The following MACROD2 variants were observed in gnomAD, a reference collection of about 807,000 sequenced individuals.
MACROD2 encodes mono-ADP ribosylhydrolase 2, also known as ADP-ribose glycohydrolase MACROD2.
Under a neutral mutation model 70.4 loss-of-function variants are expected in MACROD2, and 36 were observed. That is an observed-to-expected ratio of 0.51 (90% CI 0.39 to 0.68). The LOEUF (loss-of-function observed/expected upper bound fraction) is 0.68, where lower values mean the gene tolerates loss of function less well. Ranked by LOEUF, MACROD2 falls within the 30% of genes least tolerant of loss-of-function variation. The pLI, the probability that MACROD2 is intolerant of heterozygous loss-of-function variation, is 0.00. For synonymous variants in MACROD2, 172 were observed against 178.8 expected (o/e 0.96, Z 0.30); for missense variants, 496 against 538.4 (o/e 0.92, Z 0.78).
chr20:16,001,643 G>GA (rs1472025007), intron 15 of MACROD2, among the ~76,000 whole-genome samples: 1 of 152,098 alleles, frequency 6.6e-6, no homozygotes, highest in South Asian at 2.1e-4. Context: ...GGGAAAAAGG[G>GA]AAAAATAGAT....
chr20:15,021,298 A>ACACACACC (rs2075181006), intron 5 of MACROD2, among the ~76,000 whole-genome samples: 1 of 138,736 alleles, frequency 7.2e-6, no homozygotes, highest in Non-Finnish European at 1.6e-5. Context: ...GTGTGTGTAT[A>ACACACACC]TGCACATATA....
rs149561500 is a variant in MACROD2 at position 14,812,411 on chromosome 20, G to A, written c.418+127452G>A. Among the ~76,000 whole-genome samples the A allele has an allele frequency of 5.1e-3, 768 of 151,918 alleles. 12 individuals are homozygous for A. The highest frequency in any genetic ancestry group is 0.017 in the African/African-American group (718 of 41,440). ...CAGTGAGGGGAACATCACACACCAG[G>A]GCCTGTTGGGAGGTAGGGGGCAAGG... On this transcript the variant is annotated intron_variant, in intron 5 of 17. Transcript: ENST00000684519.
In MACROD2 at chr20:15,229,818, T is replaced by G. The variant is rs938331230; in HGVS notation, c.419-122T>G. On this transcript the variant is annotated intron_variant, in intron 5 of 17. Transcript: ENST00000684519. Reference sequence around the variant, plus strand: ...GAGAAATATTTGCGTCGCCAATGTATTGCTTAGCTTGCTTGTCTCCAGGCT... The same window carrying G: ...GAGAAATATTTGCGTCGCCAATGTAGTGCTTAGCTTGCTTGTCTCCAGGCT... 9.9e-6 allele frequency: 10 copies of G among 1,012,094 alleles called. No homozygotes were observed. In the African/African-American group the frequency reaches 1.7e-4, roughly 17 times the overall value. 62.7% of individuals were successfully genotyped at this position (1,012,094 alleles called of 1,614,324 possible).
At chr20:15,491,510 A>G (rs2047231618) in intron 7 of MACROD2, among the ~76,000 whole-genome samples, 1 of 152,244 alleles carries the variant, frequency 6.6e-6, no homozygotes, top group Non-Finnish European at 1.5e-5. Context: ...AGAGACAAAG[A>G]AAGGAAGCAA....
chr20:16,003,078 CCACCCACACACACACACACA>C (rs1225818117), intron 15 of MACROD2, among the ~76,000 whole-genome samples: 45 of 129,968 alleles, frequency 3.5e-4, no homozygotes, highest in Middle Eastern at 7.9e-3. Flanking sequence ...ACCCACCCAC[CCACCCACACACACACACACA>C]CACACACACA....
intron 8 of MACROD2, among the ~76,000 whole-genome samples, chr20:15,637,173 G>A (rs1345231304): frequency 6.6e-6 from 1 of 151,966 alleles, no homozygotes; most frequent in Admixed American, 6.6e-5. Context: ...TATGGCTCTG[G>A]AGGGAACTAG....
At chr20:14,502,014 TA>T (rs2123124907) in intron 4 of MACROD2, among the ~76,000 whole-genome samples, 1 of 152,274 alleles carries the variant, frequency 6.6e-6, no homozygotes, top group Admixed American at 6.5e-5. Flanking sequence ...TTTAAAACTA[TA>T]AAAAAGAGAA....
At chr20:15,338,683 TA>T (rs200896811) in intron 6 of MACROD2, among the ~76,000 whole-genome samples, 1,992 of 151,822 alleles carry the variant, frequency 0.013, 26 homozygotes, top group Middle Eastern at 0.034. Context: ...GAAACAGGCC[TA>T]GGGGGGTAAG....
At chr20:14,902,907 A>G (rs2073913628) in intron 5 of MACROD2, among the ~76,000 whole-genome samples, 1 of 152,138 alleles carries the variant, frequency 6.6e-6, no homozygotes, top group Non-Finnish European at 1.5e-5. Flanking sequence ...GGTACCATGT[A>G]GGAAGTCACA....
At chr20:15,479,983 A>C (rs1281439169) in intron 7 of MACROD2, among the ~76,000 whole-genome samples, 1 of 152,232 alleles carries the variant, frequency 6.6e-6, no homozygotes, top group Non-Finnish European at 1.5e-5. Flanking sequence ...AATATAAGTA[A>C]AGTATGATAT....
intron 8 of MACROD2, among the ~76,000 whole-genome samples, chr20:15,705,447 T>A (rs2050519186): frequency 6.6e-6 from 1 of 151,968 alleles, no homozygotes; most frequent in Admixed American, 6.6e-5. Context: ...TTAAATGGAG[T>A]CTCACTCTGT....
chr20:15,560,762 C>CAAAAAAAAAAAAAAAAAAAAA (rs71190190), intron 8 of MACROD2, among the ~76,000 whole-genome samples: 7 of 22,084 alleles, frequency 3.2e-4, no homozygotes, highest in East Asian at 1.1e-3. Flanking sequence ...AACAAAGTCT[C>CAAAAAAAAAAAAAAAAAAAAA]AAAAAAAAAA....
At chr20:15,569,310 G>A (rs1055025298) in intron 8 of MACROD2, among the ~76,000 whole-genome samples, 1 of 152,090 alleles carries the variant, frequency 6.6e-6, no homozygotes, top group Non-Finnish European at 1.5e-5. Flanking sequence ...TATTTATCAT[G>A]TGTAACAGGA....
chr20:14,279,635 G>A (rs6135109), intron 3 of MACROD2, among the ~76,000 whole-genome samples: 26,275 of 152,066 alleles, frequency 0.17, 2,643 homozygotes, highest in East Asian at 0.27. Flanking sequence ...CAGTTGATAA[G>A]AGACAGGGGC....
chr20:15,128,721 C>T (rs150827533), intron 5 of MACROD2, among the ~76,000 whole-genome samples: 130 of 152,098 alleles, frequency 8.5e-4, no homozygotes, highest in African/African-American at 2.7e-3. Context: ...AATGATGATG[C>T]ATTTGAACTG....
In MACROD2 at chr20:15,454,406, AACACACACACAC is replaced by A. The variant is rs10523169; in HGVS notation, c.571+23008_571+23019del. The stretch of plus-strand genomic sequence containing the variant: ...ATATCCCTCTCATTTGACATATTCA[AACACACACACAC>A]ACACACACACACACACACACACACA... On this transcript the variant is annotated intron_variant, in intron 7 of 17. Coordinates refer to ENST00000684519, the MANE Select transcript of MACROD2 (RefSeq NM_001351661.2). Among the ~76,000 whole-genome samples, 917 of 137,520 alleles carry A rather than the reference AACACACACACAC, an allele frequency of 6.7e-3. 8 individuals are homozygous for A. Among genetic ancestry groups the A allele is most frequent in the African/African-American group, 0.021 (724 of 35,042 alleles). 90.2% of individuals were successfully genotyped at this position (137,520 alleles called of 152,430 possible).
At chr20:15,357,551 T>G (rs995235542) in intron 6 of MACROD2, among the ~76,000 whole-genome samples, 2 of 152,148 alleles carry the variant, frequency 1.3e-5, no homozygotes, top group Non-Finnish European at 2.9e-5. Flanking sequence ...ATAAATATAA[T>G]ATGACCAATA....
chr20:15,983,467 C>T (rs930250665), intron 13 of MACROD2, among the ~76,000 whole-genome samples: 5 of 152,114 alleles, frequency 3.3e-5, no homozygotes, highest in Non-Finnish European at 7.3e-5. Flanking sequence ...GATTGATAAG[C>T]TCTTGAAAAT....
intron 8 of MACROD2, among the ~76,000 whole-genome samples, chr20:15,575,025 A>G (rs541288467): frequency 7.1e-4 from 108 of 152,248 alleles, no homozygotes; most frequent in African/African-American, 2.3e-3. Flanking sequence ...CAGCCTCCAT[A>G]GATATAAGCT....
Sources: allele counts gnomAD v4.1 joint callset (sites outside exome capture counted in the v4.1 genomes callset), GRCh38; gene constraint gnomAD v4.1.1; transcripts MANE v1.5; gene names NCBI Gene and HGNC (gene_info 2026-07-23, HGNC 2026-07-21).